The following ERICH1 variants were observed in gnomAD, a reference collection of about 807,000 sequenced individuals.
ERICH1 encodes the protein glutamate rich 1, also known as glutamate-rich protein 1.
ERICH1 carries 56 observed loss-of-function variants against 39.6 expected under a neutral mutation model. The ratio of observed to expected loss-of-function variants is 1.41; its 90% CI spans 1.14 to 1.77. The LOEUF (loss-of-function observed/expected upper bound fraction) is 1.77. ERICH1 is among the 40% of genes most tolerant of loss of function. ERICH1 has a pLI of 0.00. For missense variants in ERICH1, 826 were observed against 575.4 expected, an observed-to-expected ratio of 1.44 and a Z score of -4.45; for synonymous variants, 313 against 223.6, an observed-to-expected ratio of 1.40 and a Z score of -3.57.
At chr8:699,427 C>A (rs527504135) in intron 2 of ERICH1, among the ~76,000 whole-genome samples, 2 of 152,112 alleles carry the variant, frequency 1.3e-5, no homozygotes, top group Non-Finnish European at 2.9e-5. Context: ...ACAATCACAG[C>A]AACTTCAAGT....
rs1326890798 is a variant in ERICH1 at position 647,600 on chromosome 8, T to G, written c.976+20998A>C. Among the ~76,000 whole-genome samples the G allele has an allele frequency of 2.2e-4, 15 of 67,180 alleles. 6 individuals carry two copies. The highest frequency in any genetic ancestry group is 5.8e-4 in the African/African-American group (15 of 25,794). 44.1% of individuals were successfully genotyped at this position (67,180 alleles called of 152,430 possible). A position where few individuals can be genotyped will look rare whatever the true frequency, so the allele number is the denominator to read the frequency against. The stretch of plus-strand genomic sequence containing the variant: ...GAGAGGCAGAAGATAGTACAGTGGG[T>G]CTGCTAGGAGGGGAAAACACAAACG... On this transcript the variant is annotated intron_variant, in intron 3 of 3. Transcript: ENST00000522706.
At chr8:629,752 G>GAC (rs1422149576) in intron 3 of ERICH1, among the ~76,000 whole-genome samples, 44 of 125,860 alleles carry the variant, frequency 3.5e-4, no homozygotes, top group African/African-American at 5.5e-4. Flanking sequence ...CCCACACAGA[G>GAC]CTGACTCACA....
At chr8:639,204 G>A (rs1563177296) in intron 3 of ERICH1, among the ~76,000 whole-genome samples, 1 of 152,136 alleles carries the variant, frequency 6.6e-6, no homozygotes, top group East Asian at 1.9e-4. Context: ...ACTTGGATCT[G>A]GGTCTGAAGT....
At chr8:707,410 G>T (rs771106197) in intron 2 of ERICH1, among the ~76,000 whole-genome samples, 1 of 151,980 alleles carries the variant, frequency 6.6e-6, no homozygotes, top group Non-Finnish European at 1.5e-5. Context: ...GTTTCACCAC[G>T]TTGGCCAGGC....
At chr8:700,892 A>C (rs1339544796) in intron 2 of ERICH1, among the ~76,000 whole-genome samples, 1 of 152,276 alleles carries the variant, frequency 6.6e-6, no homozygotes, top group Non-Finnish European at 1.5e-5. Context: ...GATAAAACAC[A>C]GCAAACCTAC....
At chr8:700,454 C>G (rs1400946904) in intron 2 of ERICH1, among the ~76,000 whole-genome samples, 8 of 112,404 alleles carry the variant, frequency 7.1e-5, no homozygotes, top group African/African-American at 1.8e-4. Context: ...GGCCACAGAC[C>G]CGCACAGGCG....
intron 2 of ERICH1, among the ~76,000 whole-genome samples, chr8:693,527 C>A (rs944176736): frequency 6.6e-6 from 1 of 152,246 alleles, no homozygotes; most frequent in African/African-American, 2.4e-5. Flanking sequence ...AACCTCCCCG[C>A]TGTATGCTCC....
Position 673,284 on chromosome 8 carries a change from C to T in ERICH1, c.1063+5G>A, listed in dbSNP as rs769866755. ...TATGCAAGAGAAAAACAGTAAAAAA[C>T]ATACCGTCATAAAAATACATTTCCT... is the stretch of plus-strand genomic sequence containing the variant. On this transcript the variant is annotated splice_donor_5th_base_variant and intron_variant, in intron 4 of 5. Coordinates refer to ENST00000262109, the MANE Select transcript of ERICH1 (RefSeq NM_207332.3). 1.3e-5 allele frequency: 21 copies of T among 1,593,936 alleles called. No individual in the cohort carries two copies. The highest frequency in any genetic ancestry group is 1.8e-5 in the Non-Finnish European group (21 of 1,165,670).
intron 3 of ERICH1, among the ~76,000 whole-genome samples, chr8:681,130 C>T (rs1018465966): frequency 6.6e-6 from 1 of 152,184 alleles, no homozygotes; most frequent in African/African-American, 2.4e-5. Flanking sequence ...CAGCTTGTGG[C>T]CTCTGCACCC....
At chr8:638,338 C>G (rs922361550) in intron 3 of ERICH1, among the ~76,000 whole-genome samples, 1 of 152,210 alleles carries the variant, frequency 6.6e-6, no homozygotes, top group Admixed American at 6.5e-5. Flanking sequence ...CGCTTGGGCA[C>G]GTTCAGACCC....
chr8:699,903 CCGCACAGG>C (rs1402849332), intron 2 of ERICH1, among the ~76,000 whole-genome samples: 7 of 126,430 alleles, frequency 5.5e-5, no homozygotes, highest in African/African-American at 1.5e-4. Flanking sequence ...GCGCACAGAC[CCGCACAGG>C]CGCACAGGCC....
intron 1 of ERICH1, among the ~76,000 whole-genome samples, chr8:721,245 A>G (rs912217805): frequency 1.3e-5 from 2 of 152,208 alleles, no homozygotes; most frequent in Non-Finnish European, 2.9e-5. Context: ...TAGAAATAAT[A>G]AAGTATTTTT....
At chr8:626,255 T>C (rs1797589383) in intron 3 of ERICH1, 1 of 152,132 alleles carries the variant, frequency 6.6e-6, no homozygotes, top group African/African-American at 2.4e-5. Flanking sequence ...ACTTGGAAAT[T>C]GTGATGGTTA....
chr8:723,826 T>C (rs571296253), intron 1 of ERICH1, among the ~76,000 whole-genome samples: 1 of 152,370 alleles, frequency 6.6e-6, no homozygotes, highest in East Asian at 1.9e-4. Context: ...GGATTTTTTT[T>C]TCATTTTATC....
In ERICH1 at chr8:651,690, TGA is replaced by T. The variant is rs935787181; in HGVS notation, c.976+16906_976+16907del. Among the ~76,000 whole-genome samples the T allele has an allele frequency of 1.4e-3, 103 of 73,900 alleles. 1 individual carries two copies. Among genetic ancestry groups the T allele is most frequent in the African/African-American group, 5.6e-3 (98 of 17,440 alleles). 48.5% of individuals were successfully genotyped at this position (73,900 alleles called of 152,430 possible). A position where few individuals can be genotyped will look rare whatever the true frequency, so the allele number is the denominator to read the frequency against. ...AGACGGGCAGGGTGGGGGAGAAGAC[TGA>T]GGGGAGAGAGAGGCTGAGACGGAGT... On this transcript the variant is annotated intron_variant, in intron 3 of 3. Coordinates refer to the ERICH1 transcript ENST00000522706.
In ERICH1 at chr8:646,777, T is replaced by C. The variant is rs1395984547; in HGVS notation, c.976+21821A>G. On this transcript the variant is annotated intron_variant, in intron 3 of 3. Transcript: ENST00000522706. ...CGGCAAAGGAGGGCCTGGTGGTGTC[T>C]GCTGTGAACAAGAATACAGGCGATA... is the stretch of plus-strand genomic sequence containing the variant. Among the ~76,000 whole-genome samples, 2 of 68,824 alleles carry C rather than the reference T, an allele frequency of 2.9e-5. 1 individual carries two copies. The highest frequency in any genetic ancestry group is 7.3e-5 in the African/African-American group (2 of 27,244). The allele number at this position is 68,824 out of a possible 152,430, so 45.2% of individuals were successfully genotyped here.
chr8:664,497 C>A lies in ERICH1; in HGVS notation c.*106G>T. The A allele has an allele frequency of 1.6e-5, 23 of 1,401,028 alleles. No individual in the cohort carries two copies. The highest frequency in any genetic ancestry group is 2.1e-5 in the Non-Finnish European group (23 of 1,072,898). 86.8% of individuals were successfully genotyped at this position (1,401,028 alleles called of 1,614,324 possible). A position where few individuals can be genotyped will look rare whatever the true frequency, so the allele number is the denominator to read the frequency against. ...ACAAACACGTGAATAAATAATATGGCATAAATGTCTTTCAAGTTCCCAGAG... is the reference window on the plus strand; with the variant it reads ...ACAAACACGTGAATAAATAATATGGAATAAATGTCTTTCAAGTTCCCAGAG... On this transcript the variant is annotated 3_prime_UTR_variant, in exon 6 of 6. Transcript: ENST00000262109.
At chr8:700,726 G>T (rs1811919941) in intron 2 of ERICH1, among the ~76,000 whole-genome samples, 4 of 152,286 alleles carry the variant, frequency 2.6e-5, no homozygotes, top group South Asian at 2.1e-4. Context: ...GGGAGGTCCT[G>T]CCCCATCGGA....
intron 1 of ERICH1, among the ~76,000 whole-genome samples, chr8:726,837 CCA>C (rs1354191860): frequency 1.3e-5 from 2 of 151,704 alleles, no homozygotes; most frequent in African/African-American, 4.9e-5. Flanking sequence ...GACACAGACA[CCA>C]CACAGGCACA....
Sources: allele counts gnomAD v4.1 joint callset (sites outside exome capture counted in the v4.1 genomes callset), GRCh38; gene constraint gnomAD v4.1.1; transcripts MANE v1.5; gene names NCBI Gene and HGNC (gene_info 2026-07-23, HGNC 2026-07-21).